Variants in XDH observed in about 807,000 individuals in gnomAD.
XDH encodes xanthine dehydrogenase.
A neutral mutation model predicts 156.1 loss-of-function variants in XDH; 138 were observed. The ratio of observed to expected loss-of-function variants is 0.88; its 90% CI spans 0.77 to 1.02. XDH has a LOEUF of 1.02. Ranked by LOEUF, XDH falls within the 50% of genes least tolerant of loss-of-function variation. XDH has a pLI of 0.00. For synonymous variants in XDH, 669 were observed against 625.7 expected, an observed-to-expected ratio of 1.07 and a Z score of -1.03; for missense variants, 1,849 against 1,684.9, an observed-to-expected ratio of 1.10 and a Z score of -1.71.
chr2:31,384,201 C>T, intron 9 of XDH: 1 of 294,418 alleles, frequency 3.4e-6, no homozygotes, highest in Admixed American at 4.5e-5. Flanking sequence ...GTCAGGAACC[C>T]TTCTAAGCAC....
intron 28 of XDH, 87 bp from the exon 29 acceptor site, chr2:31,347,737 T>C: frequency 6.5e-7 from 1 of 1,531,120 alleles, no homozygotes; most frequent in Non-Finnish European, 8.9e-7. Flanking sequence ...TCACATTCAC[T>C]GTTACAGGCA....
intron 2 of XDH, 99 bp downstream of exon 2, chr2:31,405,808 C>G (rs1687176377): frequency 1.4e-6 from 2 of 1,431,596 alleles, no homozygotes. Flanking sequence ...CTCCACACCT[C>G]AAGGCCACCC....
intron 17 of XDH, among the ~76,000 whole-genome samples, chr2:31,371,115 T>C (rs1235257132): frequency 6.6e-6 from 1 of 152,194 alleles, no homozygotes; most frequent in East Asian, 1.9e-4. Flanking sequence ...CTACCATAAT[T>C]AGGCAACACG....
chr2:31,375,999 G>A lies in XDH; in HGVS notation c.1428-445C>T, dbSNP rs570923430. 2.6e-5 allele frequency among the ~76,000 whole-genome samples: 4 copies of A among 152,280 alleles called. No individual in the cohort carries two copies. In the South Asian group the frequency reaches 8.3e-4, roughly 32 times the overall value. ...TCGGAACCAAGGAACCAAACTCCAA[G>A]TTAAGCTTTATTGATCCTATGTGGG... is the stretch of plus-strand genomic sequence containing the variant. On this transcript the variant is annotated intron_variant, in intron 14 of 35. Transcript: ENST00000379416.
intron 15 of XDH, 149 bp from the exon 16 acceptor site, chr2:31,374,105 T>C (rs966206444): frequency 2.0e-5 from 16 of 789,360 alleles, no homozygotes; most frequent in Non-Finnish European, 2.9e-5. Context: ...TCTCTCAGCA[T>C]CCAAACACGG....
chr2:31,410,801 G>C (rs773585783), intron 1 of XDH, among the ~76,000 whole-genome samples: 8 of 152,170 alleles, frequency 5.3e-5, no homozygotes, highest in Non-Finnish European at 7.4e-5. Flanking sequence ...AAGCTGAGGA[G>C]CTGTTCTAGA....
At chr2:31,352,972 C>T (rs1056808485) in intron 24 of XDH, among the ~76,000 whole-genome samples, 5 of 148,974 alleles carry the variant, frequency 3.4e-5, no homozygotes, top group African/African-American at 2.5e-5. Context: ...CTGTCTATCT[C>T]GGCCTCCCAA....
chr2:31,385,390 G>A (rs943548671), intron 9 of XDH, among the ~76,000 whole-genome samples: 10 of 152,210 alleles, frequency 6.6e-5, no homozygotes, highest in African/African-American at 1.4e-4. Flanking sequence ...GTATATGTGC[G>A]CACGAGGGAG....
At chr2:31,397,291 C>A (rs1306109642) in intron 6 of XDH, among the ~76,000 whole-genome samples, 3 of 152,164 alleles carry the variant, frequency 2.0e-5, no homozygotes, top group African/African-American at 7.2e-5. Flanking sequence ...AAGTGCTGAG[C>A]AAGGCCACGT....
chr2:31,348,511 A>G (rs1182664145), intron 27 of XDH, 148 bp from the exon 28 acceptor site: 1 of 739,930 alleles, frequency 1.4e-6, no homozygotes, highest in Non-Finnish European at 2.4e-6. Flanking sequence ...TATGAATCTC[A>G]TGATTTAATT....
intron 24 of XDH, among the ~76,000 whole-genome samples, chr2:31,361,908 A>G (rs776880543): frequency 6.6e-6 from 1 of 152,196 alleles, no homozygotes; most frequent in Non-Finnish European, 1.5e-5. Context: ...CTGATCTTTC[A>G]GATTAATCTT....
At chr2:31,375,055 C>T (rs769598145) in intron 15 of XDH, among the ~76,000 whole-genome samples, 168 of 98,852 alleles carry the variant, frequency 1.7e-3, no homozygotes, top group Non-Finnish European at 2.6e-3. Context: ...GACAGAGTTT[C>T]GCTCTTGTAG....
intron 29 of XDH, among the ~76,000 whole-genome samples, 178 bp from the exon 30 acceptor site, chr2:31,347,021 T>C (rs1459370948): frequency 1.3e-5 from 2 of 152,214 alleles, no homozygotes; most frequent in Non-Finnish European, 2.9e-5. Flanking sequence ...CGACAGGACC[T>C]GGCCAATAGG....
intron 31 of XDH, among the ~76,000 whole-genome samples, chr2:31,344,039 T>C (rs1375468784): frequency 6.6e-6 from 1 of 152,118 alleles, no homozygotes; most frequent in African/African-American, 2.4e-5. Context: ...ACGGCTAAAA[T>C]ATGATGACTG....
intron 27 of XDH, 136 bp downstream of exon 27, chr2:31,348,763 T>C (rs1384158140): frequency 1.2e-6 from 1 of 808,214 alleles, no homozygotes; most frequent in Non-Finnish European, 2.1e-6. Flanking sequence ...AAGTTCGACT[T>C]TCATTTAAAG....
chr2:31,346,910 C>T (rs953952568), intron 29 of XDH, 67 bp from the exon 30 acceptor site: 40 of 1,606,518 alleles, frequency 2.5e-5, no homozygotes, highest in Middle Eastern at 2.1e-4. Context: ...AGGCAAAACC[C>T]GAGGGCCCCA....
intron 32 of XDH, 130 bp from the exon 33 acceptor site, chr2:31,341,524 G>T: frequency 1.1e-6 from 1 of 944,474 alleles, no homozygotes; most frequent in Non-Finnish European, 1.7e-6. Context: ...AAAGCCCTGG[G>T]TGTGCTCAGG....
intron 4 of XDH, among the ~76,000 whole-genome samples, chr2:31,400,884 C>T (rs1052081531): frequency 1.8e-4 from 27 of 152,192 alleles, no homozygotes; most frequent in Middle Eastern, 3.2e-3. Flanking sequence ...GTTTCCTAAA[C>T]ACACTCCAGA....
At chr2:31,402,529 G>A (rs775039472) in intron 3 of XDH, among the ~76,000 whole-genome samples, 8 of 152,190 alleles carry the variant, frequency 5.3e-5, no homozygotes, top group Non-Finnish European at 8.8e-5. Flanking sequence ...GCTTCCTGGA[G>A]GGGGTGATAT....
Sources: allele counts gnomAD v4.1 joint callset (sites outside exome capture counted in the v4.1 genomes callset), GRCh38; gene constraint gnomAD v4.1.1; transcripts MANE v1.5; gene names NCBI Gene and HGNC (gene_info 2026-07-23, HGNC 2026-07-21).